Variants in SLC45A4 observed in about 807,000 individuals in gnomAD.
SLC45A4 encodes the protein polyamine-transporter SLC45A4.
A neutral mutation model predicts 63.7 loss-of-function variants in SLC45A4; 32 were observed. The observed-to-expected ratio is 0.50, with a 90% CI of 0.38 to 0.67. The LOEUF (loss-of-function observed/expected upper bound fraction) is 0.67. SLC45A4 is among the 30% of genes least tolerant of loss of function. SLC45A4 has a pLI of 0.00. For missense variants in SLC45A4, 1,027 were observed against 1,157.7 expected (o/e 0.89, Z 1.64); for synonymous variants, 535 against 510.0 (o/e 1.05, Z -0.66).
intron 2 of SLC45A4, among the ~76,000 whole-genome samples, chr8:141,248,576 T>A (rs181396352): frequency 0.059 from 8,863 of 151,354 alleles, 378 homozygotes; most frequent in Admixed American, 0.13. Context: ...AAAAAAAAAA[T>A]AATAATAAAT....
Position 141,216,334 on chromosome 8 carries a change from T to C in SLC45A4, c.1730-364A>G, listed in dbSNP as rs1396437966. Among the ~76,000 whole-genome samples the C allele has an allele frequency of 2.6e-5, 4 of 152,350 alleles. No homozygotes were observed. In the Middle Eastern group the frequency reaches 0.01, roughly 389 times the overall value. Reference sequence around the variant, plus strand: ...GGACGATTTCTTCTCCTGATGTGGGTAGCAGTGGACAGTCCTGCCTCGGGA... The same window carrying C: ...GGACGATTTCTTCTCCTGATGTGGGCAGCAGTGGACAGTCCTGCCTCGGGA... On this transcript the variant is annotated intron_variant, in intron 6 of 8. Coordinates refer to ENST00000517878, the MANE Select transcript of SLC45A4 (RefSeq NM_001286646.2).
chr8:141,260,798 A>G (rs981643803), intron 1 of SLC45A4, among the ~76,000 whole-genome samples: 2 of 152,242 alleles, frequency 1.3e-5, no homozygotes, highest in African/African-American at 4.8e-5. Context: ...CCAGAGGTAC[A>G]AGGAGGAGCT....
In SLC45A4 at chr8:141,287,308, C is replaced by T. The variant is rs530266700; in HGVS notation, c.-401+20788G>A. Among the ~76,000 whole-genome samples, 5 of 152,322 alleles carry T rather than the reference C, an allele frequency of 3.3e-5. 1 individual carries two copies. Among genetic ancestry groups the T allele is most frequent in the South Asian group, 2.1e-4 (1 of 4,824 alleles). On this transcript the variant is annotated intron_variant, in intron 1 of 8. Coordinates refer to ENST00000517878, the MANE Select transcript of SLC45A4 (RefSeq NM_001286646.2). ...TAACCGCAGCTATGAAAACCTCTCCCGGCGGATACTAACTACAGCATCGTG... is the reference window on the plus strand; with the variant it reads ...TAACCGCAGCTATGAAAACCTCTCCTGGCGGATACTAACTACAGCATCGTG...
At chr8:141,234,517 A>G (rs944277576) in intron 2 of SLC45A4, among the ~76,000 whole-genome samples, 1 of 152,168 alleles carries the variant, frequency 6.6e-6, no homozygotes, top group African/African-American at 2.4e-5. Flanking sequence ...CTTTCTACCC[A>G]AACAGGGTCG....
At chr8:141,219,124 G>T (rs1395070311) in intron 4 of SLC45A4, 95 bp from the exon 5 acceptor site, 2 of 1,428,700 alleles carry the variant, frequency 1.4e-6, no homozygotes, top group East Asian at 2.3e-5. Context: ...GGGGGCCGGG[G>T]CTGCCCTCAT....
intron 3 of SLC45A4, 128 bp downstream of exon 3, chr8:141,221,449 C>A (rs943484752): frequency 1.1e-5 from 14 of 1,230,906 alleles, no homozygotes; most frequent in Non-Finnish European, 1.6e-5. Flanking sequence ...GTGGCCCCGG[C>A]AGCCCAGCCA....
At chr8:141,280,119 C>T (rs1040624139) in intron 1 of SLC45A4, among the ~76,000 whole-genome samples, 5 of 152,226 alleles carry the variant, frequency 3.3e-5, no homozygotes, top group Admixed American at 3.3e-4. Context: ...GGCCCCTCAC[C>T]CCGTGTCACA....
chr8:141,259,783 C>T lies in SLC45A4; in HGVS notation c.-400-5154G>A, dbSNP rs566895279. 1.2e-3 allele frequency among the ~76,000 whole-genome samples: 183 copies of T among 152,332 alleles called. 1 individual carries two copies. The highest frequency in any genetic ancestry group is 4.0e-3 in the African/African-American group (168 of 41,582). On this transcript the variant is annotated intron_variant, in intron 1 of 8. Coordinates refer to ENST00000517878, the MANE Select transcript of SLC45A4 (RefSeq NM_001286646.2). ...CCCAGCATCGGTCCACAATGGGCAA[C>T]GTCCATGCTTCTTGAACCTGGGCTT...
intron 1 of SLC45A4, among the ~76,000 whole-genome samples, chr8:141,300,262 C>T (rs770053932): frequency 8.5e-5 from 13 of 152,182 alleles, no homozygotes; most frequent in Admixed American, 2.0e-4. Context: ...ACCCCAGGTC[C>T]GTCAAATCTC....
At chr8:141,276,177 C>T (rs1829721312) in intron 1 of SLC45A4, among the ~76,000 whole-genome samples, 1 of 152,176 alleles carries the variant, frequency 6.6e-6, no homozygotes, top group Non-Finnish European at 1.5e-5. Flanking sequence ...GCTGGGATTA[C>T]AAGTGTGAGC....
intron 1 of SLC45A4, among the ~76,000 whole-genome samples, chr8:141,293,215 G>A (rs1589860350): frequency 1.3e-5 from 2 of 152,220 alleles, no homozygotes; most frequent in Admixed American, 1.3e-4. Context: ...AGCACTTTGG[G>A]AGGCTGAGGC....
chr8:141,306,009 C>T (rs1373648942), intron 1 of SLC45A4, among the ~76,000 whole-genome samples: 1 of 152,094 alleles, frequency 6.6e-6, no homozygotes, highest in African/African-American at 2.4e-5. Context: ...AGGCTTGCTC[C>T]GCCCCTCCCC....
rs1825878697 is a variant in SLC45A4 at position 141,212,264 on chromosome 8, T to C, written c.2234A>G (p.Glu745Gly). 1 of 1,593,792 alleles carries C rather than the reference T, an allele frequency of 6.3e-7. No homozygotes were observed. Reference sequence around the variant, plus strand: ...CGTGAGCTTCAGCACGGTGGGCTTTTCGCTGTTCCCACCGGCCCTGCCTTC... The same window carrying C: ...CGTGAGCTTCAGCACGGTGGGCTTTCCGCTGTTCCCACCGGCCCTGCCTTC... ...AGEGRAGGNS[E>G]KPTVLKLTRK... Residue 745 changes from glutamate (E) to glycine (G), a missense_variant, in exon 8 of 9, where the codon GAA (glutamate) becomes GGA (glycine). Coordinates refer to ENST00000517878, the MANE Select transcript of SLC45A4 (RefSeq NM_001286646.2).
chr8:141,263,038 A>T (rs1829101328), intron 1 of SLC45A4, among the ~76,000 whole-genome samples: 1 of 152,016 alleles, frequency 6.6e-6, no homozygotes, highest in African/African-American at 2.4e-5. Flanking sequence ...GCAGCCATAA[A>T]AAATGATGAG....
rs34176241 is a variant in SLC45A4, at chr8:141,296,539, T to TAA, written c.-401+11555_-401+11556dup. Among the ~76,000 whole-genome samples, 126 of 129,348 alleles carry TAA rather than the reference T, an allele frequency of 9.7e-4. 1 individual carries two copies. The highest frequency in any genetic ancestry group is 1.6e-3 in the African/African-American group (51 of 32,872). The allele number at this position is 129,348 out of a possible 152,430, so 84.9% of individuals were successfully genotyped here. On this transcript the variant is annotated intron_variant, in intron 1 of 8. Coordinates refer to ENST00000517878, the MANE Select transcript of SLC45A4 (RefSeq NM_001286646.2). ...AAAAAATTAAAATTAAAATTAAAAT[T>TAA]AAAAAAAAAAAGAAGGCCAGGCGTG...
Position 141,254,493 on chromosome 8 carries a change from A to C in SLC45A4, c.-264T>G. ...TACTGTGAATTAGAGTTAAAAATCC[A>C]TAATTGCCATTCAGTTAATACCAGT... On this transcript the variant is annotated 5_prime_UTR_variant, in exon 2 of 9. It removes an upstream start codon present in the reference 5' UTR. Transcript: ENST00000517878. This position sits in a 1 kb window ranked among gnomAD's most constrained non-coding sequence, Gnocchi z 4.5. The C allele has an allele frequency of 1.5e-6, 1 of 684,344 alleles. No homozygotes were observed. The highest frequency in any genetic ancestry group is 2.7e-5 in the East Asian group (1 of 37,036). 42.4% of individuals were successfully genotyped at this position (684,344 alleles called of 1,614,324 possible). A position where few individuals can be genotyped will look rare whatever the true frequency, so the allele number is the denominator to read the frequency against.
At chr8:141,289,896 C>T (rs958631059) in intron 1 of SLC45A4, among the ~76,000 whole-genome samples, 3 of 151,926 alleles carry the variant, frequency 2.0e-5, no homozygotes, top group Admixed American at 1.3e-4. Flanking sequence ...GACACTGGAG[C>T]GAGGTGCCCC....
At chr8:141,238,499 G>A (rs558435394) in intron 2 of SLC45A4, among the ~76,000 whole-genome samples, 12 of 152,016 alleles carry the variant, frequency 7.9e-5, no homozygotes, top group Admixed American at 3.3e-4. Context: ...CCTGGCCTCC[G>A]CCATTCTGCT....
Position 141,233,192 on chromosome 8 carries a change from G to C in SLC45A4, c.242-11427C>G, listed in dbSNP as rs28576545. 8.5e-4 allele frequency among the ~76,000 whole-genome samples: 129 copies of C among 152,338 alleles called. 1 individual carries two copies. The highest frequency in any genetic ancestry group is 8.4e-4 in the Non-Finnish European group (57 of 68,038). ...AATTTAAGCTGGCTCTCAGGAGCCA[G>C]GATGAGCTGGTTCCAGCACACAGCT... On this transcript the variant is annotated intron_variant, in intron 2 of 8. Transcript: ENST00000517878.
Sources: allele counts gnomAD v4.1 joint callset (sites outside exome capture counted in the v4.1 genomes callset), GRCh38; gene constraint gnomAD v4.1.1; non-coding constraint Gnocchi (gnomAD v3.1); transcripts MANE v1.5; gene names NCBI Gene and HGNC (gene_info 2026-07-23, HGNC 2026-07-21).